The following CACNA1C variants were observed in gnomAD, a reference collection of about 807,000 sequenced individuals.
CACNA1C encodes the protein calcium voltage-gated channel subunit alpha1 C.
Under a neutral mutation model 229.0 loss-of-function variants are expected in CACNA1C, and 30 were observed. The ratio of observed to expected loss-of-function variants is 0.13; its 90% CI spans 0.10 to 0.18. CACNA1C has a LOEUF of 0.18. CACNA1C is among the 10% of genes least tolerant of loss of function. The pLI is 1.00. For synonymous variants in CACNA1C, 1,114 were observed against 1,132.5 expected (o/e 0.98, Z 0.33); for missense variants, 1,658 against 2,845.0 (o/e 0.58, Z 9.49).
chr12:2,123,703 ACAT>A (rs1447586092), intron 3 of CACNA1C, among the ~76,000 whole-genome samples: 13 of 152,286 alleles, frequency 8.5e-5, no homozygotes, highest in African/African-American at 3.1e-4. Context: ...ACCATCTCTG[ACAT>A]CTTCTTCCCC....
intron 9 of CACNA1C, among the ~76,000 whole-genome samples, chr12:2,543,364 C>G (rs982898316): frequency 6.6e-6 from 1 of 152,202 alleles, no homozygotes; most frequent in Non-Finnish European, 1.5e-5. Context: ...ACCAACTCAT[C>G]ATTTGAATGG....
In CACNA1C at chr12:2,204,971, CA is replaced by C. The variant is rs1001449430; in HGVS notation, c.477+84551del. On this transcript the variant is annotated intron_variant, in intron 3 of 46. Coordinates refer to ENST00000399655, the MANE Select transcript of CACNA1C (RefSeq NM_000719.7). ...ATAAATTAATTAAAAAAAACAAAAA[CA>C]AAAAAAAAACCTCTTAGATACTCAT... Among the ~76,000 whole-genome samples, 279 of 148,500 alleles carry C rather than the reference CA, an allele frequency of 1.9e-3. 1 individual carries two copies. The highest frequency in any genetic ancestry group is 6.6e-3 in the African/African-American group (267 of 40,468).
At chr12:2,260,475 T>TAAAA (rs549203538) in intron 3 of CACNA1C, among the ~76,000 whole-genome samples, 1 of 100,988 alleles carries the variant, frequency 9.9e-6, no homozygotes, top group African/African-American at 3.6e-5. Context: ...CTGTCTCTAT[T>TAAAA]AAAAAAAAAA....
intron 3 of CACNA1C, among the ~76,000 whole-genome samples, chr12:2,291,864 C>T (rs577705749): frequency 6.6e-6 from 1 of 152,358 alleles, no homozygotes; most frequent in South Asian, 2.1e-4. Flanking sequence ...AGAAATCCTC[C>T]ATCAGCTAGA....
chr12:2,337,312 C>T (rs1388282398), intron 3 of CACNA1C, among the ~76,000 whole-genome samples: 3 of 152,176 alleles, frequency 2.0e-5, no homozygotes, highest in East Asian at 1.9e-4. Context: ...TGTTTCTGGC[C>T]GTATGAACAC....
intron 3 of CACNA1C, among the ~76,000 whole-genome samples, chr12:2,245,007 G>C (rs1566638408): frequency 6.6e-6 from 1 of 152,144 alleles, no homozygotes; most frequent in Non-Finnish European, 1.5e-5. Context: ...ATGCAATTCT[G>C]CTGCTGAACT....
intron 30 of CACNA1C, among the ~76,000 whole-genome samples, chr12:2,637,155 T>A (rs770190107): frequency 1.3e-5 from 2 of 152,270 alleles, no homozygotes; most frequent in Non-Finnish European, 2.9e-5. Flanking sequence ...TGCTGCTGCT[T>A]CCTGTCAAAG....
chr12:2,262,838 C>G (rs1297154028), intron 3 of CACNA1C, among the ~76,000 whole-genome samples: 1 of 152,208 alleles, frequency 6.6e-6, no homozygotes, highest in South Asian at 2.1e-4. Flanking sequence ...TGGGCAGAAG[C>G]TACTATTCAG....
rs147394308 is a variant in CACNA1C, at chr12:2,074,092, A to G, written c.49+20481A>G. On this transcript the variant is annotated intron_variant, in intron 1 of 46. Transcript: ENST00000399655. Reference sequence around the variant, plus strand: ...GTATTTTATACAGCAAGTTGATTCAATCATTGCCATCAAACAAATACCCAA... The same window carrying G: ...GTATTTTATACAGCAAGTTGATTCAGTCATTGCCATCAAACAAATACCCAA... Among the ~76,000 whole-genome samples, 55 of 152,338 alleles carry G rather than the reference A, an allele frequency of 3.6e-4. 1 individual carries two copies. Among genetic ancestry groups the G allele is most frequent in the African/African-American group, 1.2e-3 (49 of 41,580 alleles).
At chr12:2,270,325 C>T (rs1364953266) in intron 3 of CACNA1C, among the ~76,000 whole-genome samples, 1 of 152,240 alleles carries the variant, frequency 6.6e-6, no homozygotes, top group African/African-American at 2.4e-5. Flanking sequence ...CATACACCCT[C>T]CTTCTCTGTG....
intron 1 of CACNA1C, among the ~76,000 whole-genome samples, chr12:2,097,687 G>A (rs1277595737): frequency 6.6e-6 from 1 of 152,182 alleles, no homozygotes; most frequent in Non-Finnish European, 1.5e-5. Context: ...CCTAGCTGGG[G>A]GCCCCTTGGG....
intron 3 of CACNA1C, among the ~76,000 whole-genome samples, chr12:2,321,377 A>G (rs1484495109): frequency 6.7e-6 from 1 of 149,792 alleles, no homozygotes; most frequent in Non-Finnish European, 1.5e-5. Flanking sequence ...TCAGTTCCTT[A>G]TCTGTAAAAT....
intron 15 of CACNA1C, among the ~76,000 whole-genome samples, chr12:2,583,396 C>G (rs571900884): frequency 6.6e-6 from 1 of 152,250 alleles, no homozygotes; most frequent in Non-Finnish European, 1.5e-5. Context: ...TGATGCTGCT[C>G]TCCAGGACTT....
intron 9 of CACNA1C, among the ~76,000 whole-genome samples, chr12:2,522,988 G>A (rs1409906074): frequency 6.6e-6 from 1 of 152,102 alleles, no homozygotes; most frequent in Non-Finnish European, 1.5e-5. Flanking sequence ...CCTCACGAAT[G>A]CCCTTCTCTT....
At chr12:2,012,519 G>A (rs914199276) in intron 1 of CACNA1C, among the ~76,000 whole-genome samples, 5 of 152,296 alleles carry the variant, frequency 3.3e-5, no homozygotes, top group Admixed American at 6.5e-5. Context: ...CTTTTGGCCT[G>A]TATTATTTAA....
intron 2 of CACNA1C, among the ~76,000 whole-genome samples, chr12:2,119,259 T>C (rs1596348974): frequency 6.6e-6 from 1 of 152,042 alleles, no homozygotes; most frequent in African/African-American, 2.4e-5. Flanking sequence ...GAGAGAATTA[T>C]GGTGGTCCCT....
At chr12:2,631,594 T>C (rs1334758872) in intron 29 of CACNA1C, among the ~76,000 whole-genome samples, 1 of 152,258 alleles carries the variant, frequency 6.6e-6, no homozygotes, top group Non-Finnish European at 1.5e-5. Context: ...GCGAATTGGT[T>C]ATTTCCTGCT....
At chr12:2,376,242 A>G (rs1318316722) in intron 3 of CACNA1C, among the ~76,000 whole-genome samples, 1 of 152,182 alleles carries the variant, frequency 6.6e-6, no homozygotes, top group East Asian at 1.9e-4. Context: ...TCAGAAGTCC[A>G]GGTCGGAGTC....
In CACNA1C at chr12:2,691,809, C is replaced by G. The variant is rs943833166; in HGVS notation, c.*610C>G. ...ACCGGCACGGGCCACGCCGAGCTCCCGGCCAGCCGCCGGCCCGCAGGCAGC... is the reference window on the plus strand; with the variant it reads ...ACCGGCACGGGCCACGCCGAGCTCCGGGCCAGCCGCCGGCCCGCAGGCAGC... On this transcript the variant is annotated 3_prime_UTR_variant, in exon 47 of 47. Transcript: ENST00000399655. 2 of 152,380 alleles carry G rather than the reference C, an allele frequency of 1.3e-5. No homozygotes were observed. Among genetic ancestry groups the G allele is most frequent in the Non-Finnish European group, 1.5e-5 (1 of 68,116 alleles). 9.4% of individuals were successfully genotyped at this position (152,380 alleles called of 1,614,324 possible). A position where few individuals can be genotyped will look rare whatever the true frequency, so the allele number is the denominator to read the frequency against.
Sources: gnomAD v4.1 joint callset for allele counts (sites outside exome capture counted in the v4.1 genomes callset) on GRCh38, gnomAD v4.1.1 for gene constraint, MANE v1.5 for transcripts, NCBI Gene and HGNC (gene_info 2026-07-23, HGNC 2026-07-21) for gene names.